TANC1: variants seen among roughly 807,000 people sequenced by gnomAD.
TANC1 encodes tetratricopeptide repeat, ankyrin repeat and coiled-coil containing 1.
Under a neutral mutation model 149.7 loss-of-function variants are expected in TANC1, and 77 were observed. That is an observed-to-expected ratio of 0.51 (90% CI 0.43 to 0.62). The LOEUF (loss-of-function observed/expected upper bound fraction) is 0.62. Ranked by LOEUF, TANC1 falls within the 20% of genes least tolerant of loss-of-function variation. TANC1 has a pLI of 0.00. For synonymous variants in TANC1, 854 were observed against 925.0 expected (o/e 0.92, Z 1.39); for missense variants, 1,985 against 2,321.8 (o/e 0.85, Z 2.98).
chr2:159,004,228 A>G (rs2036918225), intron 2 of TANC1: 2 of 1,612,402 alleles, frequency 1.2e-6, no homozygotes, highest in African/African-American at 1.3e-5. Flanking sequence ...TTGGACAGTA[A>G]AGCACCAAAA....
rs774386068 is a variant in TANC1 at position 159,185,766 on chromosome 2, T to C, written c.2511-25T>C. 5 of 1,566,008 alleles carry C rather than the reference T, an allele frequency of 3.2e-6. No individual in the cohort carries two copies. The South Asian group carries it at 4.5e-5, about 14-fold the overall frequency. On this transcript the variant is annotated intron_variant, in intron 14 of 26. Coordinates refer to ENST00000263635, the MANE Select transcript of TANC1 (RefSeq NM_033394.3). ...TGTGGTGGAATGGGCTCTTCTGCTGTGAGCCTTTGTATTCCTTCCCCTAGG... is the reference window on the plus strand; with the variant it reads ...TGTGGTGGAATGGGCTCTTCTGCTGCGAGCCTTTGTATTCCTTCCCCTAGG...
In TANC1 at chr2:159,224,258, C is replaced by A. The variant is rs77560524; in HGVS notation, c.3705C>A (p.Ala1235=). 2 of 1,614,162 alleles carry A rather than the reference C, an allele frequency of 1.2e-6. No homozygotes were observed. The highest frequency in any genetic ancestry group is 1.3e-5 in the African/African-American group (1 of 75,046). The change falls in exon 23 of 27, where the codon GCC becomes GCA. Residue 1235 remains alanine (A), a synonymous_variant. Transcript: ENST00000263635. ...ETVLYLVEKG[A]VIEHVDHSGM... ...TGCTGTACCTGGTGGAGAAGGGAGC[C>A]GTGATCGAGCATGTGGACCACAGCG... is the stretch of plus-strand genomic sequence containing the variant.
At chr2:159,148,917 A>ACT in intron 5 of TANC1, 1 of 433,258 alleles carries the variant, frequency 2.3e-6, no homozygotes, top group Non-Finnish European at 4.1e-6. Context: ...GGCTCTTCTC[A>ACT]CTCACCCTTT....
intron 3 of TANC1, among the ~76,000 whole-genome samples, chr2:159,072,672 C>T (rs749855797): frequency 2.0e-5 from 3 of 151,956 alleles, no homozygotes; most frequent in African/African-American, 4.8e-5. Flanking sequence ...TGTTAAAGGA[C>T]GAGTTAATGG....
At chr2:158,994,702 A>G (rs895128448) in intron 1 of TANC1, among the ~76,000 whole-genome samples, 1 of 152,248 alleles carries the variant, frequency 6.6e-6, no homozygotes, top group Non-Finnish European at 1.5e-5. Flanking sequence ...TAACTTTTTA[A>G]AACTTTGTAA....
chr2:159,144,386 A>T (rs2051809097), intron 5 of TANC1, among the ~76,000 whole-genome samples: 1 of 152,030 alleles, frequency 6.6e-6, no homozygotes, highest in South Asian at 2.1e-4. Flanking sequence ...TTTTATTTTT[A>T]TTTTTCTGAG....
chr2:158,978,519 A>G (rs2033943616), intron 1 of TANC1, among the ~76,000 whole-genome samples: 1 of 152,226 alleles, frequency 6.6e-6, no homozygotes, highest in African/African-American at 2.4e-5. Flanking sequence ...TAGCAGATGC[A>G]GTGAGTTCAA....
At chr2:159,070,273 T>C (rs1366629606) in intron 3 of TANC1, among the ~76,000 whole-genome samples, 1 of 152,168 alleles carries the variant, frequency 6.6e-6, no homozygotes, top group Non-Finnish European at 1.5e-5. Flanking sequence ...ACTTTTTTTT[T>C]TTTGAGTGGT....
At chr2:159,099,715 T>TGAC (rs2046484609) in intron 4 of TANC1, among the ~76,000 whole-genome samples, 1 of 143,702 alleles carries the variant, frequency 7.0e-6, no homozygotes, top group African/African-American at 2.6e-5. Context: ...ATCTTCCAGG[T>TGAC]GACATCTGGT....
At chr2:159,072,536 G>T (rs774837644) in intron 3 of TANC1, among the ~76,000 whole-genome samples, 1 of 152,172 alleles carries the variant, frequency 6.6e-6, no homozygotes, top group Non-Finnish European at 1.5e-5. Context: ...TTCTGCAAAA[G>T]TGTTTTAGCT....
At chr2:159,116,639 C>T (rs1357502431) in intron 4 of TANC1, among the ~76,000 whole-genome samples, 3 of 152,264 alleles carry the variant, frequency 2.0e-5, no homozygotes, top group East Asian at 3.9e-4. Flanking sequence ...TTAGACAATA[C>T]GTAAATGAGT....
At chr2:159,206,943 T>C (rs2058647164) in intron 19 of TANC1, among the ~76,000 whole-genome samples, 1 of 152,234 alleles carries the variant, frequency 6.6e-6, no homozygotes, top group Non-Finnish European at 1.5e-5. Flanking sequence ...AAGTGACAGC[T>C]GTCCAAAGGT....
intron 15 of TANC1, among the ~76,000 whole-genome samples, chr2:159,186,322 C>A (rs978097186): frequency 3.3e-5 from 5 of 152,150 alleles, no homozygotes; most frequent in Non-Finnish European, 7.3e-5. Context: ...GTGGTGGGAT[C>A]ATAGCTTACT....
At chr2:159,155,102 A>G (rs1294292470) in intron 7 of TANC1, among the ~76,000 whole-genome samples, 1 of 152,244 alleles carries the variant, frequency 6.6e-6, no homozygotes, top group African/African-American at 2.4e-5. Context: ...ACAAAGCATC[A>G]CTGAAAATGT....
chr2:159,039,016 C>T (rs184091964), intron 2 of TANC1, among the ~76,000 whole-genome samples: 35 of 152,258 alleles, frequency 2.3e-4, no homozygotes, highest in Non-Finnish European at 5.9e-5. Flanking sequence ...TAATTATTGC[C>T]TCAATTTCAT....
At chr2:159,035,100 A>T (rs573855151) in intron 2 of TANC1, among the ~76,000 whole-genome samples, 6 of 152,222 alleles carry the variant, frequency 3.9e-5, no homozygotes, top group South Asian at 2.1e-4. Flanking sequence ...GAGAAAAAAA[A>T]TTTTTTTGAT....
chr2:159,121,809 A>G (rs975401546), intron 4 of TANC1, among the ~76,000 whole-genome samples: 4 of 152,226 alleles, frequency 2.6e-5, no homozygotes, highest in African/African-American at 7.2e-5. Flanking sequence ...AAACTAGTCA[A>G]TAGAAAGTCA....
chr2:159,208,295 G>A (rs2058758741), intron 19 of TANC1, among the ~76,000 whole-genome samples: 1 of 152,184 alleles, frequency 6.6e-6, no homozygotes, highest in African/African-American at 2.4e-5. Context: ...ATAAGTGATG[G>A]AATCTTCAAT....
chr2:159,228,838 T>C lies in TANC1; in HGVS notation c.4093T>C (p.Leu1365=), dbSNP rs746174511. The change falls in exon 26 of 27, where the codon TTG becomes CTG. Residue 1365 remains leucine (L), a synonymous_variant. Coordinates refer to ENST00000263635, the MANE Select transcript of TANC1 (RefSeq NM_033394.3). Reference sequence around the variant, plus strand: ...GGAATTTGCTTCCAAGGCTCTCGAATTGAAGCCCAAGTCCTATGAAGCCTT... The same window carrying C: ...GGAATTTGCTTCCAAGGCTCTCGAACTGAAGCCCAAGTCCTATGAAGCCTT... ...AEEFASKALE[L]KPKSYEAFYA... 10 of 1,614,168 alleles carry C rather than the reference T, an allele frequency of 6.2e-6. No individual in the cohort carries two copies. Among genetic ancestry groups the C allele is most frequent in the Non-Finnish European group, 7.6e-6 (9 of 1,180,018 alleles).
Sources: gnomAD v4.1 joint callset for allele counts (sites outside exome capture counted in the v4.1 genomes callset) on GRCh38, gnomAD v4.1.1 for gene constraint, MANE v1.5 for transcripts, NCBI Gene and HGNC (gene_info 2026-07-23, HGNC 2026-07-21) for gene names.